The following AK3 variants were observed in gnomAD, a reference collection of about 807,000 sequenced individuals.
AK3 encodes the protein adenylate kinase 3.
Under a neutral mutation model 23.7 loss-of-function variants are expected in AK3, and 27 were observed. The ratio of observed to expected loss-of-function variants is 1.14; its 90% CI spans 0.84 to 1.57. The LOEUF is 1.57. Among genes scored for constraint, AK3 ranks in the 40% most tolerant of loss-of-function variants. The pLI, the probability that AK3 is intolerant of heterozygous loss-of-function variation, is 0.00. For synonymous variants in AK3, 159 were observed against 116.0 expected (o/e 1.37, Z -2.38); for missense variants, 406 against 285.6 (o/e 1.42, Z -3.04).
At chr9:4,735,026 C>T (rs886944201) in intron 1 of AK3, among the ~76,000 whole-genome samples, 2 of 151,356 alleles carry the variant, frequency 1.3e-5, no homozygotes, top group East Asian at 1.9e-4. Context: ...ACAGAAGTGA[C>T]GGCTAATAGG....
At chr9:4,734,725 T>A (rs1842230329) in intron 1 of AK3, among the ~76,000 whole-genome samples, 1 of 152,162 alleles carries the variant, frequency 6.6e-6, no homozygotes, top group African/African-American at 2.4e-5. Flanking sequence ...ACCCATAAGA[T>A]AACAGAAAAA....
At chr9:4,713,725 C>G (rs897105971) in intron 4 of AK3, among the ~76,000 whole-genome samples, 1 of 152,098 alleles carries the variant, frequency 6.6e-6, no homozygotes, top group African/African-American at 2.4e-5. Context: ...GCAGATTTGT[C>G]TAGCTTGTCA....
At chr9:4,723,741 T>C (rs73641821) in intron 1 of AK3, among the ~76,000 whole-genome samples, 8,944 of 152,274 alleles carry the variant, frequency 0.059, 838 homozygotes, top group African/African-American at 0.2. Flanking sequence ...GAAATAAATA[T>C]ATAAAACTAC....
intron 1 of AK3, among the ~76,000 whole-genome samples, chr9:4,735,720 C>T (rs1432176707): frequency 2.7e-5 from 4 of 150,140 alleles, no homozygotes; most frequent in African/African-American, 4.9e-5. Context: ...CCACCTTCCT[C>T]GGCCTCCCAA....
chr9:4,728,448 G>T (rs1842067624), intron 1 of AK3, among the ~76,000 whole-genome samples: 1 of 152,168 alleles, frequency 6.6e-6, no homozygotes, highest in Admixed American at 6.5e-5. Context: ...GTGCATGCCT[G>T]TAGTCCCAGC....
chr9:4,730,022 A>G (rs973011494), intron 1 of AK3, among the ~76,000 whole-genome samples: 2 of 152,134 alleles, frequency 1.3e-5, no homozygotes, highest in African/African-American at 4.8e-5. Flanking sequence ...GTACTGATAC[A>G]TGTTACAGCA....
intron 1 of AK3, among the ~76,000 whole-genome samples, chr9:4,724,279 C>T (rs117039046): frequency 0.021 from 3,160 of 152,170 alleles, 48 homozygotes; most frequent in Non-Finnish European, 0.031. Context: ...TGTAAAAACA[C>T]GCAATTCTCT....
At chr9:4,717,089 T>C (rs1215643049) in intron 4 of AK3, among the ~76,000 whole-genome samples, 9 of 152,222 alleles carry the variant, frequency 5.9e-5, no homozygotes, top group African/African-American at 2.2e-4. Context: ...CTTTCAAACC[T>C]TTATTCTCTT....
chr9:4,730,703 A>G (rs1027478735), intron 1 of AK3, among the ~76,000 whole-genome samples: 3 of 152,226 alleles, frequency 2.0e-5, no homozygotes, highest in Non-Finnish European at 4.4e-5. Flanking sequence ...TTCATTTATC[A>G]TGAACTTTTT....
chr9:4,724,061 C>G (rs987748138), intron 1 of AK3, among the ~76,000 whole-genome samples: 1 of 152,182 alleles, frequency 6.6e-6, no homozygotes, highest in Non-Finnish European at 1.5e-5. Flanking sequence ...TAACCAAGAA[C>G]AGTAACTGCA....
chr9:4,736,838 C>T (rs898502824), intron 1 of AK3, among the ~76,000 whole-genome samples: 3 of 152,144 alleles, frequency 2.0e-5, no homozygotes, highest in East Asian at 1.9e-4. Flanking sequence ...CCACCACATC[C>T]AGCTAATGTT....
chr9:4,741,193 G>C lies in AK3; in HGVS notation c.-106C>G, dbSNP rs560178647. 1.6e-6 allele frequency: 2 copies of C among 1,228,924 alleles called. No homozygotes were observed. The highest frequency in any genetic ancestry group is 2.1e-5 in the South Asian group (1 of 46,984). The allele number at this position is 1,228,924 out of a possible 1,614,324, so 76.1% of individuals were successfully genotyped here. A position where few individuals can be genotyped will look rare whatever the true frequency, so the allele number is the denominator to read the frequency against. ...CGGCCGGCTAGCAGCGCCACTAGCAGGCGGCTACTGCGGTTCCCCGGCGTT... is the reference window on the plus strand; with the variant it reads ...CGGCCGGCTAGCAGCGCCACTAGCACGCGGCTACTGCGGTTCCCCGGCGTT... On this transcript the variant is annotated 5_prime_UTR_variant, in exon 1 of 5. Transcript: ENST00000381809.
At chr9:4,741,247 C>A (rs934984255), upstream of AK3, 3 of 765,756 alleles carry the variant, frequency 3.9e-6, no homozygotes, top group African/African-American at 5.5e-5. Context: ...GCCCCTGGGG[C>A]CGCCCAGACA....
intron 1 of AK3, among the ~76,000 whole-genome samples, chr9:4,735,364 C>A (rs867429380): frequency 3.0e-5 from 2 of 67,154 alleles, no homozygotes; most frequent in African/African-American, 1.3e-4. Flanking sequence ...TATATATATA[C>A]ATATATAAAT....
intron 1 of AK3, among the ~76,000 whole-genome samples, chr9:4,730,725 G>C (rs1842133524): frequency 1.3e-5 from 2 of 152,106 alleles, no homozygotes; most frequent in Admixed American, 1.3e-4. Context: ...ATGTTTGTAT[G>C]ATTTAATTAG....
At chr9:4,722,726 T>G in intron 1 of AK3, 101 bp from the exon 2 acceptor site, 1 of 1,511,378 alleles carries the variant, frequency 6.6e-7, no homozygotes, top group Admixed American at 1.8e-5. Context: ...AATGGCATAC[T>G]CATCTGAAAA....
Position 4,722,522 on chromosome 9 carries a change from A to C in AK3, c.255T>G (p.Tyr85Ter). Residue 85 changes from tyrosine (Y) to a stop codon, truncating the protein, a stop_gained, in exon 2 of 5, where the codon TAT becomes TAG. Transcript: ENST00000381809. LOFTEE classifies it high-confidence loss of function. Reference protein sequence around the residue: ...ALHELKNLTQYSWLLDGFPRT... With the variant: ...ALHELKNLTQ ...TCCACTTACCATCCAACAGCCAGCT[A>C]TACTGGGTGAGATTTTTCAGCTCAT... 1 of 1,614,160 alleles carries C rather than the reference A, an allele frequency of 6.2e-7. No individual in the cohort carries two copies. Among genetic ancestry groups the C allele is most frequent in the Non-Finnish European group, 8.5e-7 (1 of 1,180,020 alleles).
chr9:4,736,677 G>C (rs769186534), intron 1 of AK3, among the ~76,000 whole-genome samples: 2 of 151,996 alleles, frequency 1.3e-5, no homozygotes, highest in Non-Finnish European at 1.5e-5. Flanking sequence ...GTCTAGTCTA[G>C]GGTTATGTCT....
intron 1 of AK3, among the ~76,000 whole-genome samples, chr9:4,724,708 G>A (rs1013153214): frequency 1.3e-5 from 2 of 151,874 alleles, no homozygotes; most frequent in African/African-American, 4.8e-5. Flanking sequence ...GAGCCCAAGA[G>A]GTCAAGGCTA....
Sources: gnomAD v4.1 joint callset for allele counts (sites outside exome capture counted in the v4.1 genomes callset) on GRCh38, gnomAD v4.1.1 for gene constraint, MANE v1.5 for transcripts, NCBI Gene and HGNC (gene_info 2026-07-23, HGNC 2026-07-21) for gene names.